The following ZNF483 variants were observed in gnomAD, a reference collection of about 807,000 sequenced individuals.
ZNF483 encodes the protein zinc finger protein 483.
A neutral mutation model predicts 28.6 loss-of-function variants in ZNF483; 9 were observed. The ratio of observed to expected loss-of-function variants is 0.32; its 90% CI spans 0.19 to 0.55. The LOEUF (loss-of-function observed/expected upper bound fraction) is 0.55, where lower values mean the gene tolerates loss of function less well. Among genes scored for constraint, ZNF483 ranks in the 20% least tolerant of loss-of-function variants. The pLI, the probability that ZNF483 is intolerant of heterozygous loss-of-function variation, is 0.93. For missense variants in ZNF483, 675 were observed against 871.7 expected (o/e 0.77, Z 2.84); for synonymous variants, 322 against 306.2 (o/e 1.05, Z -0.54).
In ZNF483 at chr9:111,543,982, G is replaced by T. The variant is rs891190170; in HGVS notation, c.*812G>T. ...TATACTTTTTGAAAACTTCGTGCAG[G>T]AATCCCTCAAATGCTGTAACTAGGA... On this transcript the variant is annotated 3_prime_UTR_variant, in exon 6 of 6. Transcript: ENST00000309235. The T allele has an allele frequency of 3.0e-6, 3 of 985,108 alleles. No homozygotes were observed. Among genetic ancestry groups the T allele is most frequent in the Non-Finnish European group, 3.6e-6 (3 of 829,902 alleles). The allele number at this position is 985,108 out of a possible 1,614,324, so 61.0% of individuals were successfully genotyped here.
At chr9:111,570,004 G>A in intron 5 of ZNF483, 3 of 1,581,742 alleles carry the variant, frequency 1.9e-6, no homozygotes, top group Non-Finnish European at 2.6e-6. Flanking sequence ...GCAGAGATGG[G>A]GAAGAATTGG....
At chr9:111,564,318 T>TATG in intron 5 of ZNF483, 1 of 596,712 alleles carries the variant, frequency 1.7e-6, no homozygotes, top group Non-Finnish European at 2.2e-6. Context: ...TTATTATTAT[T>TATG]ATTCTGAGAC....
intron 2 of ZNF483, 120 bp downstream of exon 2, chr9:111,527,927 G>A (rs746804040): frequency 1.3e-6 from 2 of 1,569,206 alleles, no homozygotes; most frequent in African/African-American, 2.7e-5. Context: ...TTGGGACTGG[G>A]TTTGAATCAG....
chr9:111,552,192 A>C lies in ZNF483; in HGVS notation c.*9022A>C, dbSNP rs1827985125. 6.6e-6 allele frequency among the ~76,000 whole-genome samples: 1 copy of C among 152,206 alleles called. No individual in the cohort carries two copies. The highest frequency in any genetic ancestry group is 1.5e-5 in the Non-Finnish European group (1 of 68,034). On this transcript the variant is annotated 3_prime_UTR_variant, in exon 6 of 6. Coordinates refer to ENST00000309235, the MANE Select transcript of ZNF483 (RefSeq NM_133464.5). ...TTTCTTTTGTTTCAAGGAAATCTTGAATTGGATTTTCTAGTACAGGAAATC... is the reference window on the plus strand; with the variant it reads ...TTTCTTTTGTTTCAAGGAAATCTTGCATTGGATTTTCTAGTACAGGAAATC...
Position 111,564,845 on chromosome 9 carries a change from C to T in ZNF483, c.722-11520C>T, listed in dbSNP as rs556517540. On this transcript the variant is annotated intron_variant, in intron 5 of 5. Coordinates refer to the ZNF483 transcript ENST00000358151. ...TTTTAAAAAAAGGTAATTAAGAGGC[C>T]GGGCGCAGTGGCTCATGTCTGTAAT... Among the ~76,000 whole-genome samples the T allele has an allele frequency of 1.1e-3, 171 of 151,950 alleles. 1 individual carries two copies. Among genetic ancestry groups the T allele is most frequent in the Non-Finnish European group, 2.2e-3 (150 of 67,916 alleles).
intron 5 of ZNF483, among the ~76,000 whole-genome samples, chr9:111,567,264 T>C (rs1828605065): frequency 6.6e-6 from 1 of 152,172 alleles, no homozygotes; most frequent in African/African-American, 2.4e-5. Flanking sequence ...CTTGACTCAC[T>C]GCAACCTCCG....
intron 5 of ZNF483, among the ~76,000 whole-genome samples, chr9:111,538,439 A>C (rs544044512): frequency 6.6e-6 from 1 of 151,664 alleles, no homozygotes; most frequent in Non-Finnish European, 1.5e-5. Flanking sequence ...GCAGTGAGCT[A>C]TAATCATGCC....
chr9:111,536,705 AC>A (rs113790359), intron 5 of ZNF483, among the ~76,000 whole-genome samples: 1,829 of 147,366 alleles, frequency 0.012, 35 homozygotes, highest in African/African-American at 0.038. Context: ...CACTGACCGC[AC>A]CCCCCCCGCC....
intron 5 of ZNF483, among the ~76,000 whole-genome samples, chr9:111,540,462 A>G (rs1827645874): frequency 6.6e-6 from 1 of 152,190 alleles, no homozygotes; most frequent in Non-Finnish European, 1.5e-5. Flanking sequence ...AATCAGTGAG[A>G]GTATGGTATT....
Position 111,549,784 on chromosome 9 carries a change from C to T in ZNF483, c.*6614C>T. Reference sequence around the variant, plus strand: ...TCTGCTTTGAAGCTTCAATCTTCTTCATTTTCTCTTTTGATCTGTCAACAC... The same window carrying T: ...TCTGCTTTGAAGCTTCAATCTTCTTTATTTTCTCTTTTGATCTGTCAACAC... On this transcript the variant is annotated 3_prime_UTR_variant, in exon 6 of 6. Transcript: ENST00000309235. 2 of 1,545,720 alleles carry T rather than the reference C, an allele frequency of 1.3e-6. No individual in the cohort carries two copies. The highest frequency in any genetic ancestry group is 1.8e-6 in the Non-Finnish European group (2 of 1,142,084).
At chr9:111,574,677 G>A in intron 5 of ZNF483, 1 of 1,228,404 alleles carries the variant, frequency 8.1e-7, no homozygotes, top group Non-Finnish European at 1.2e-6. Flanking sequence ...GCATATCTGT[G>A]AATTTTCTCC....
chr9:111,537,021 A>G (rs1180657324), intron 5 of ZNF483, among the ~76,000 whole-genome samples: 1 of 152,200 alleles, frequency 6.6e-6, no homozygotes, highest in African/African-American at 2.4e-5. Flanking sequence ...TTCTTGAAGT[A>G]TCATGACTAT....
At chr9:111,537,901 A>G (rs991008180) in intron 5 of ZNF483, among the ~76,000 whole-genome samples, 3 of 152,168 alleles carry the variant, frequency 2.0e-5, no homozygotes, top group East Asian at 1.9e-4. Flanking sequence ...TGGTGGGATT[A>G]TGGGGGTGAG....
chr9:111,546,276 C>G lies in ZNF483; in HGVS notation c.*3106C>G, dbSNP rs929023603. Among the ~76,000 whole-genome samples the G allele has an allele frequency of 6.6e-6, 1 of 152,058 alleles. No individual in the cohort carries two copies. The highest frequency in any genetic ancestry group is 2.4e-5 in the African/African-American group (1 of 41,382). On this transcript the variant is annotated 3_prime_UTR_variant, in exon 6 of 6. Transcript: ENST00000309235. ...ATACTGTGTTGTAGTCCTTTTTATT[C>G]TGGATATAAGTCCTTTATCCAATAT...
At chr9:111,559,004 G>C (rs887415113), downstream of ZNF483, among the ~76,000 whole-genome samples, 1 of 152,034 alleles carries the variant, frequency 6.6e-6, no homozygotes, top group Non-Finnish European at 1.5e-5. Flanking sequence ...ACATCCTGCA[G>C]CTCCTGGCCC....
rs1305806436 is a variant in ZNF483, at chr9:111,549,527, G to A, written c.*6357G>A. The stretch of plus-strand genomic sequence containing the variant: ...TTTTTTATGAAGTCTGATGTTGAGA[G>A]GTTCTTCCAGGTTGGAGTTCTCAGG... On this transcript the variant is annotated 3_prime_UTR_variant, in exon 6 of 6. Transcript: ENST00000309235. Among the ~76,000 whole-genome samples the A allele has an allele frequency of 6.6e-6, 1 of 152,138 alleles. No homozygotes were observed. Among genetic ancestry groups the A allele is most frequent in the Non-Finnish European group, 1.5e-5 (1 of 68,030 alleles).
chr9:111,556,813 T>C (rs561056584), downstream of ZNF483, among the ~76,000 whole-genome samples: 24 of 152,316 alleles, frequency 1.6e-4, no homozygotes, highest in African/African-American at 5.8e-4. Flanking sequence ...CCTTCTGCCA[T>C]GATTGTAAGT....
At chr9:111,535,956 G>C (rs1827488498) in intron 5 of ZNF483, among the ~76,000 whole-genome samples, 1 of 139,374 alleles carries the variant, frequency 7.2e-6, no homozygotes, top group East Asian at 2.2e-4. Flanking sequence ...CCGTGATCTT[G>C]GCTCACTGCA....
chr9:111,536,444 G>C (rs1194599825), intron 5 of ZNF483, among the ~76,000 whole-genome samples: 1 of 152,114 alleles, frequency 6.6e-6, no homozygotes, highest in East Asian at 1.9e-4. Flanking sequence ...AGAATCGCTT[G>C]AACCTGGGAA....
Sources: gnomAD v4.1 joint callset for allele counts (sites outside exome capture counted in the v4.1 genomes callset) on GRCh38, gnomAD v4.1.1 for gene constraint, MANE v1.5 for transcripts, NCBI Gene and HGNC (gene_info 2026-07-23, HGNC 2026-07-21) for gene names.